Variants in PLEKHS1 observed in about 807,000 individuals in gnomAD.
PLEKHS1 encodes the protein pleckstrin homology domain-containing family S member 1.
PLEKHS1 carries 55 observed loss-of-function variants against 51.0 expected under a neutral mutation model. The ratio of observed to expected loss-of-function variants is 1.08; its 90% CI spans 0.87 to 1.35. The LOEUF (loss-of-function observed/expected upper bound fraction) is 1.35, where lower values mean the gene tolerates loss of function less well. Among genes scored for constraint, PLEKHS1 ranks in the 40% most tolerant of loss-of-function variants. PLEKHS1 has a pLI of 0.00. For missense variants in PLEKHS1, 398 were observed against 423.0 expected (o/e 0.94, Z 0.52); for synonymous variants, 153 against 144.8 (o/e 1.06, Z -0.41).
intron 9 of PLEKHS1, 62 bp from the exon 10 acceptor site, chr10:113,774,764 A>G (rs1261943907): frequency 6.8e-7 from 1 of 1,471,338 alleles, no homozygotes; most frequent in African/African-American, 1.4e-5. Context: ...TCTGACACAC[A>G]CAGGGGAACA....
chr10:113,768,373 C>T (rs1844254518), intron 5 of PLEKHS1, among the ~76,000 whole-genome samples: 1 of 152,162 alleles, frequency 6.6e-6, no homozygotes, highest in Non-Finnish European at 1.5e-5. Flanking sequence ...TTGACCAAAG[C>T]TTCCTTTTAA....
intron 2 of PLEKHS1, among the ~76,000 whole-genome samples, chr10:113,761,265 C>T (rs961667685): frequency 3.9e-5 from 6 of 151,950 alleles, no homozygotes; most frequent in Admixed American, 3.3e-4. Flanking sequence ...TTCAGGGCCC[C>T]TTGGTATTTT....
At chr10:113,774,230 G>T in exon 9 of PLEKHS1, 3 of 1,585,850 alleles carry the variant, frequency 1.9e-6, no homozygotes, top group Non-Finnish European at 2.6e-6. Flanking sequence ...TCTGCAGTTG[G>T]ATAATATCAT....
intron 11 of PLEKHS1, 88 bp from the exon 13 acceptor site, chr10:113,780,514 C>T (rs1473652874): frequency 3.6e-5 from 46 of 1,275,638 alleles, no homozygotes; most frequent in Non-Finnish European, 4.6e-5. Flanking sequence ...AATACCAGCT[C>T]CCAAGGGTAT....
chr10:113,768,223 G>T (rs1360415416), intron 5 of PLEKHS1, among the ~76,000 whole-genome samples: 1 of 152,130 alleles, frequency 6.6e-6, no homozygotes, highest in Non-Finnish European at 1.5e-5. Context: ...AGGGGCTTCT[G>T]GTCCTAGCAA....
At position 113,778,501 on chromosome 10, in the gene PLEKHS1, G is replaced by T. The variant is rs1296556290; in HGVS notation, c.*-2101G>T. On this transcript the variant is annotated intron_variant, in intron 11 of 11. Transcript: ENST00000361048. Reference sequence around the variant, plus strand: ...ACACATCTTATCTCTTCTGCACTACGTAATAATCCCATTGGTCACACAAAT... The same window carrying T: ...ACACATCTTATCTCTTCTGCACTACTTAATAATCCCATTGGTCACACAAAT... 2.6e-5 allele frequency among the ~76,000 whole-genome samples: 4 copies of T among 152,076 alleles called. No individual in the cohort carries two copies. In the East Asian group the frequency reaches 7.7e-4, roughly 29 times the overall value.
intron 8 of PLEKHS1, among the ~76,000 whole-genome samples, chr10:113,773,793 T>C (rs1207955192): frequency 6.6e-6 from 1 of 152,140 alleles, no homozygotes; most frequent in African/African-American, 2.4e-5. Flanking sequence ...TTCTAGAACA[T>C]TGCAATGTCC....
intron 1 of PLEKHS1, among the ~76,000 whole-genome samples, chr10:113,752,266 T>C (rs1853876517): frequency 6.6e-6 from 1 of 152,232 alleles, no homozygotes; most frequent in African/African-American, 2.4e-5. Context: ...GGGCATTGTA[T>C]CATTGTGAAA....
Position 113,781,062 on chromosome 10 carries a change from T to C in PLEKHS1, c.*460T>C, listed in dbSNP as rs1398731450. ...CAGATTGGGTCAGTCCTTCATGTAA[T>C]ACATGCTGTGTTCTGTGAGGATGTG... On this transcript the variant is annotated 3_prime_UTR_variant, in exon 12 of 12. Coordinates refer to ENST00000361048, the Ensembl canonical transcript of PLEKHS1. The C allele has an allele frequency of 4.6e-6, 2 of 434,298 alleles. 1 individual carries two copies. Among genetic ancestry groups the C allele is most frequent in the Non-Finnish European group, 8.4e-6 (2 of 237,680 alleles). The allele number at this position is 434,298 out of a possible 1,614,324, so 26.9% of individuals were successfully genotyped here. A position where few individuals can be genotyped will look rare whatever the true frequency, so the allele number is the denominator to read the frequency against.
At chr10:113,774,845 C>A (rs878891014) in exon 10 of PLEKHS1, 1 of 1,613,906 alleles carries the variant, frequency 6.2e-7, no homozygotes, top group Non-Finnish European at 8.5e-7. Context: ...AGAGACATCC[C>A]ATGAGTCTGT....
chr10:113,756,113 A>T (rs766282595), intron 2 of PLEKHS1, among the ~76,000 whole-genome samples: 35 of 152,194 alleles, frequency 2.3e-4, no homozygotes, highest in Non-Finnish European at 4.6e-4. Context: ...CAACTCAAAA[A>T]TGTTTACAAA....
chr10:113,761,955 A>G (rs1480722472), intron 2 of PLEKHS1, among the ~76,000 whole-genome samples: 4 of 152,046 alleles, frequency 2.6e-5, no homozygotes, highest in Admixed American at 1.3e-4. Flanking sequence ...ACTTGGGCCT[A>G]TATGAAGAAT....
At chr10:113,771,924 A>G in intron 7 of PLEKHS1, 46 bp from the exon 8 acceptor site, 1 of 1,579,320 alleles carries the variant, frequency 6.3e-7, no homozygotes, top group Non-Finnish European at 8.6e-7. Context: ...ATTTAATTCT[A>G]TCTCTTGCAA....
intron 6 of PLEKHS1, 24 bp from the exon 7 acceptor site, chr10:113,769,760 A>G (rs1844317591): frequency 6.7e-7 from 1 of 1,482,756 alleles, no homozygotes. Flanking sequence ...CTGTGCCCTG[A>G]CTGATTCCTT....
At chr10:113,762,365 C>CTTTTTTTTTTTTATTTTTTTTTT (rs1843972035) in intron 2 of PLEKHS1, among the ~76,000 whole-genome samples, 1 of 61,770 alleles carries the variant, frequency 1.6e-5, no homozygotes, top group African/African-American at 6.0e-5. Context: ...AGATTTGTTC[C>CTTTTTTTTTTTTATTTTTTTTTT]TTTTTTTTTT....
intron 8 of PLEKHS1, among the ~76,000 whole-genome samples, chr10:113,773,577 C>T (rs1844514266): frequency 1.3e-5 from 2 of 152,072 alleles, no homozygotes; most frequent in African/African-American, 4.8e-5. Context: ...AGATGGCACT[C>T]GAGGTGAAGA....
intron 1 of PLEKHS1, among the ~76,000 whole-genome samples, chr10:113,752,439 C>T (rs1040116140): frequency 2.0e-5 from 3 of 152,066 alleles, no homozygotes; most frequent in Admixed American, 2.0e-4. Context: ...ATTAAACAAC[C>T]ATAGAATCAT....
At chr10:113,763,652 G>C (rs554476730) in intron 2 of PLEKHS1, among the ~76,000 whole-genome samples, 1 of 152,196 alleles carries the variant, frequency 6.6e-6, no homozygotes, top group East Asian at 1.9e-4. Context: ...ACACATCACA[G>C]TCTAACTTCA....
At chr10:113,768,094 C>G (rs182379398) in intron 5 of PLEKHS1, among the ~76,000 whole-genome samples, 34 of 152,244 alleles carry the variant, frequency 2.2e-4, no homozygotes, top group Admixed American at 2.2e-3. Flanking sequence ...CAACCGATAA[C>G]AGTCACCATC....
Sources: gnomAD v4.1 joint callset for allele counts (sites outside exome capture counted in the v4.1 genomes callset) on GRCh38, gnomAD v4.1.1 for gene constraint, MANE v1.5 for transcripts, NCBI Gene and HGNC (gene_info 2026-07-23, HGNC 2026-07-21) for gene names.